SH3RF3: variants seen among roughly 807,000 people sequenced by gnomAD.
The protein encoded by SH3RF3 is SH3 domain containing ring finger 3, also known as E3 ubiquitin-protein ligase SH3RF3.
Under a neutral mutation model 66.3 loss-of-function variants are expected in SH3RF3, and 29 were observed. The observed-to-expected ratio is 0.44, with a 90% CI of 0.33 to 0.60. The LOEUF is 0.60. SH3RF3 is among the 20% of genes least tolerant of loss of function. SH3RF3 has a pLI of 0.04. For missense variants in SH3RF3, 1,194 were observed against 1,190.9 expected (o/e 1.00, Z -0.04); for synonymous variants, 583 against 532.0 (o/e 1.10, Z -1.32).
At chr2:109,493,828 G>A (rs138227732) in intron 9 of SH3RF3, among the ~76,000 whole-genome samples, 38,802 of 151,896 alleles carry the variant, frequency 0.26, 5,307 homozygotes, top group East Asian at 0.5. Context: ...TACACAAATT[G>A]TACATCAAGC....
intron 6 of SH3RF3, among the ~76,000 whole-genome samples, chr2:109,434,962 G>A (rs1677358807): frequency 6.6e-6 from 1 of 152,198 alleles, no homozygotes; most frequent in Non-Finnish European, 1.5e-5. Flanking sequence ...TCCTGACACT[G>A]GAGCACTTAG....
chr2:109,395,473 G>C (rs935625779), intron 3 of SH3RF3, among the ~76,000 whole-genome samples: 1 of 152,266 alleles, frequency 6.6e-6, no homozygotes, highest in African/African-American at 2.4e-5. Context: ...TGAAGCTTTG[G>C]ATGAGGCATT....
rs552336399 is a variant in SH3RF3, at chr2:109,453,815, G to A, written c.2148+4326G>A. Among the ~76,000 whole-genome samples, 30 of 152,322 alleles carry A rather than the reference G, an allele frequency of 2.0e-4. 1 individual carries two copies. The South Asian group carries it at 4.8e-3, about 24-fold the overall frequency. ...GGAACAGAGGGTCACCGACAAAGGC[G>A]CCTGGTCAGCCCAGGTCAGGGGAGA... On this transcript the variant is annotated intron_variant, in intron 8 of 9. Coordinates refer to ENST00000309415, the MANE Select transcript of SH3RF3 (RefSeq NM_001099289.3).
At chr2:109,496,964 A>C (rs1448293794) in intron 9 of SH3RF3, among the ~76,000 whole-genome samples, 3 of 152,204 alleles carry the variant, frequency 2.0e-5, no homozygotes, top group African/African-American at 7.2e-5. Context: ...ATGGAGGAAG[A>C]AGCCTCCAGA....
intron 5 of SH3RF3, among the ~76,000 whole-genome samples, chr2:109,425,830 C>T (rs937838420): frequency 2.0e-5 from 3 of 152,228 alleles, no homozygotes; most frequent in Non-Finnish European, 4.4e-5. Flanking sequence ...TTCTTCAGCT[C>T]ATGGATCGAG....
intron 4 of SH3RF3, among the ~76,000 whole-genome samples, chr2:109,404,351 C>G (rs1266472555): frequency 6.6e-6 from 1 of 152,200 alleles, no homozygotes; most frequent in Non-Finnish European, 1.5e-5. Context: ...GAGCTCGAGG[C>G]CTGGCGGGGA....
At chr2:109,352,678 T>C (rs1168570441) in intron 2 of SH3RF3, among the ~76,000 whole-genome samples, 2 of 152,100 alleles carry the variant, frequency 1.3e-5, no homozygotes, top group Admixed American at 6.5e-5. Context: ...AGGGAACCAG[T>C]TCTCCTTTTT....
At chr2:109,315,860 C>A (rs905971682) in intron 1 of SH3RF3, among the ~76,000 whole-genome samples, 1 of 152,202 alleles carries the variant, frequency 6.6e-6, no homozygotes, top group Non-Finnish European at 1.5e-5. Context: ...AGGACGTGAT[C>A]TAGGCATCAA....
chr2:109,432,799 G>A, intron 6 of SH3RF3, 128 bp downstream of exon 6: 2 of 1,299,340 alleles, frequency 1.5e-6, no homozygotes, highest in East Asian at 5.2e-5. Flanking sequence ...CAGTGCCCAG[G>A]GTTCAGCCCC....
intron 1 of SH3RF3, among the ~76,000 whole-genome samples, chr2:109,327,590 G>C (rs949933259): frequency 2.0e-5 from 3 of 152,130 alleles, no homozygotes; most frequent in African/African-American, 7.2e-5. Context: ...GCTTTTCTGA[G>C]TCCTCTTACT....
At chr2:109,357,352 T>G (rs1682968795) in intron 2 of SH3RF3, among the ~76,000 whole-genome samples, 1 of 152,192 alleles carries the variant, frequency 6.6e-6, no homozygotes, top group Non-Finnish European at 1.5e-5. Flanking sequence ...CGGATAATTT[T>G]GTGTATTTTT....
chr2:109,429,971 C>T (rs891973340), intron 5 of SH3RF3, among the ~76,000 whole-genome samples: 1 of 152,200 alleles, frequency 6.6e-6, no homozygotes, highest in Non-Finnish European at 1.5e-5. Flanking sequence ...CTCCACAGAG[C>T]ACAGCCCACC....
intron 1 of SH3RF3, among the ~76,000 whole-genome samples, chr2:109,189,681 T>C (rs760106415): frequency 6.6e-6 from 1 of 152,138 alleles, no homozygotes; most frequent in Non-Finnish European, 1.5e-5. Context: ...ATTTAATGTA[T>C]TGTGTAATAA....
chr2:109,270,498 A>T (rs1442028087), intron 1 of SH3RF3, among the ~76,000 whole-genome samples: 2 of 152,164 alleles, frequency 1.3e-5, no homozygotes, highest in Non-Finnish European at 2.9e-5. Flanking sequence ...ACTGGACTTA[A>T]TGTGGACAGG....
chr2:109,242,340 T>A (rs1189292536), intron 1 of SH3RF3, among the ~76,000 whole-genome samples: 1 of 152,058 alleles, frequency 6.6e-6, no homozygotes, highest in African/African-American at 2.4e-5. Flanking sequence ...CCCAGCTGAG[T>A]CTGCTGGCTG....
intron 1 of SH3RF3, among the ~76,000 whole-genome samples, chr2:109,244,324 G>A (rs1374173181): frequency 6.6e-6 from 1 of 152,200 alleles, no homozygotes; most frequent in Admixed American, 6.5e-5. Context: ...GCATCTAGGA[G>A]CAGGTGAGAA....
At chr2:109,484,640 T>C (rs866351681) in intron 8 of SH3RF3, among the ~76,000 whole-genome samples, 1 of 152,194 alleles carries the variant, frequency 6.6e-6, no homozygotes, top group Non-Finnish European at 1.5e-5. Flanking sequence ...AAAACAACAT[T>C]GCAACTTTCT....
At chr2:109,221,319 AC>A (rs76906323) in intron 1 of SH3RF3, among the ~76,000 whole-genome samples, 6,169 of 152,260 alleles carry the variant, frequency 0.041, 379 homozygotes, top group East Asian at 0.31. Context: ...CAGGTGACTC[AC>A]GGCTGTAATC....
At position 109,188,548 on chromosome 2, in the gene SH3RF3, G is replaced by A. The variant is rs190276550; in HGVS notation, c.573+58435G>A. On this transcript the variant is annotated intron_variant, in intron 1 of 9. Coordinates refer to ENST00000309415, the MANE Select transcript of SH3RF3 (RefSeq NM_001099289.3). The stretch of plus-strand genomic sequence containing the variant: ...CACGTTCAGAGAAGCGGCATCCCCC[G>A]TCATTGTGACTGCATCCCTATGGAG... 3.9e-5 allele frequency among the ~76,000 whole-genome samples: 6 copies of A among 152,294 alleles called. No individual in the cohort carries two copies. The East Asian group carries it at 9.7e-4, about 25-fold the overall frequency.
Sources: allele counts gnomAD v4.1 joint callset (sites outside exome capture counted in the v4.1 genomes callset), GRCh38; gene constraint gnomAD v4.1.1; transcripts MANE v1.5; gene names NCBI Gene and HGNC (gene_info 2026-07-23, HGNC 2026-07-21).